The following GRIA2 variants were observed in gnomAD, a reference collection of about 807,000 sequenced individuals.
The protein encoded by GRIA2 is glutamate receptor 2.
A neutral mutation model predicts 97.3 loss-of-function variants in GRIA2; 14 were observed. That is an observed-to-expected ratio of 0.14 (90% confidence interval 0.10 to 0.23). GRIA2 has a LOEUF of 0.23. Among genes scored for constraint, GRIA2 ranks in the 10% least tolerant of loss-of-function variants. The pLI is 1.00. For missense variants in GRIA2, 558 were observed against 1,069.8 expected, an observed-to-expected ratio of 0.52 and a Z score of 6.67; for synonymous variants, 412 against 387.8, an observed-to-expected ratio of 1.06 and a Z score of -0.73.
intron 11 of GRIA2, 146 bp from the exon 12 acceptor site, chr4:157,341,118 T>A: frequency 1.6e-6 from 1 of 625,388 alleles, no homozygotes; most frequent in Non-Finnish European, 2.8e-6. Context: ...TGTTTAATGA[T>A]TTCCAGTTTC....
intron 12 of GRIA2, among the ~76,000 whole-genome samples, chr4:157,351,328 A>G (rs1282067177): frequency 2.0e-5 from 3 of 152,144 alleles, no homozygotes; most frequent in Non-Finnish European, 4.4e-5. Flanking sequence ...AAATAACACT[A>G]TTAAAAAATG....
chr4:157,224,050 A>T (rs1038156075), intron 2 of GRIA2, among the ~76,000 whole-genome samples: 3 of 152,198 alleles, frequency 2.0e-5, no homozygotes, highest in African/African-American at 7.2e-5. Context: ...GGGTGAACAC[A>T]TTCATGTAAT....
intron 2 of GRIA2, among the ~76,000 whole-genome samples, chr4:157,288,807 CTTA>C: frequency 6.6e-6 from 1 of 151,442 alleles, no homozygotes; most frequent in Non-Finnish European, 1.5e-5. Flanking sequence ...TGCATAAGGT[CTTA>C]TGTTTCTTTA....
At chr4:157,239,046 A>T (rs1035237848) in intron 2 of GRIA2, among the ~76,000 whole-genome samples, 2 of 152,122 alleles carry the variant, frequency 1.3e-5, no homozygotes, top group African/African-American at 4.8e-5. Flanking sequence ...TTTATTCAAG[A>T]TGACTATGAC....
chr4:157,357,620 T>C (rs1736449016), intron 12 of GRIA2, among the ~76,000 whole-genome samples: 1 of 152,150 alleles, frequency 6.6e-6, no homozygotes, highest in South Asian at 2.1e-4. Context: ...TATGTTATAA[T>C]ACATGTGAAG....
intron 13 of GRIA2, among the ~76,000 whole-genome samples, chr4:157,360,461 T>G (rs1736586106): frequency 6.6e-6 from 1 of 152,150 alleles, no homozygotes; most frequent in Admixed American, 6.5e-5. Flanking sequence ...TCCACATTTC[T>G]AACTACCTTG....
At chr4:157,357,636 T>A (rs1268149814) in intron 12 of GRIA2, among the ~76,000 whole-genome samples, 1 of 152,102 alleles carries the variant, frequency 6.6e-6, no homozygotes, top group Non-Finnish European at 1.5e-5. Context: ...TGAAGCCTCA[T>A]TATAAAAAAA....
chr4:157,340,934 A>T (rs1371211579), intron 11 of GRIA2, among the ~76,000 whole-genome samples: 1 of 152,038 alleles, frequency 6.6e-6, no homozygotes, highest in Non-Finnish European at 1.5e-5. Context: ...GTTTACTTAC[A>T]TCATGAGTGG....
chr4:157,305,531 T>C (rs1733804889), intron 3 of GRIA2, among the ~76,000 whole-genome samples: 1 of 152,180 alleles, frequency 6.6e-6, no homozygotes, highest in African/African-American at 2.4e-5. Flanking sequence ...GGTCTTATAA[T>C]ATCCAATTCC....
Position 157,361,788 on chromosome 4 carries a change from A to C in GRIA2, c.2406+664A>C. On this transcript the variant is annotated intron_variant, in intron 14 of 15. Coordinates refer to ENST00000264426, the MANE Select transcript of GRIA2 (RefSeq NM_001083619.3). This position sits in a 1 kb window ranked among gnomAD's most constrained non-coding sequence, Gnocchi z 5.2. ...ATATGCATGAGATGCATAATTTGGT[A>C]AGATGTTTTGGTAATGCCTGCAGAG... The C allele has an allele frequency of 1.6e-6, 1 of 629,562 alleles. No individual in the cohort carries two copies. Among genetic ancestry groups the C allele is most frequent in the Non-Finnish European group, 2.8e-6 (1 of 351,736 alleles). The allele number at this position is 629,562 out of a possible 1,614,324, so 39.0% of individuals were successfully genotyped here. A position where few individuals can be genotyped will look rare whatever the true frequency, so the allele number is the denominator to read the frequency against.
chr4:157,362,322 G>A (rs1736665362), intron 14 of GRIA2: 3 of 451,548 alleles, frequency 6.6e-6, no homozygotes, highest in Non-Finnish European at 1.3e-5. Flanking sequence ...TGGAAATGTG[G>A]TCAGTCCTCC....
intron 3 of GRIA2, among the ~76,000 whole-genome samples, chr4:157,309,610 C>T (rs890626463): frequency 6.6e-6 from 1 of 152,068 alleles, no homozygotes; most frequent in Non-Finnish European, 1.5e-5. Flanking sequence ...CCGCACCTGG[C>T]GCAAGTTAGG....
chr4:157,256,658 A>G (rs1731290453), intron 2 of GRIA2, among the ~76,000 whole-genome samples: 1 of 151,920 alleles, frequency 6.6e-6, no homozygotes, highest in African/African-American at 2.4e-5. Flanking sequence ...CTTATTGAGG[A>G]ACTGGCCACT....
At chr4:157,342,771 T>C (rs1735603635) in intron 12 of GRIA2, among the ~76,000 whole-genome samples, 1 of 152,028 alleles carries the variant, frequency 6.6e-6, no homozygotes, top group Admixed American at 6.6e-5. Flanking sequence ...TGCAGATGCC[T>C]GTTATAACAG....
Position 157,220,731 on chromosome 4 carries a change from T to G in GRIA2, c.-312T>G. ...AGAAGAGAGCGCGAGAGAGGGTGAG[T>G]GTGTGTGAGTGCATGGGAGGGTGCT... On this transcript the variant is annotated 5_prime_UTR_variant, in exon 1 of 16. Transcript: ENST00000264426. 4 of 398,066 alleles carry G rather than the reference T, an allele frequency of 1.0e-5. No homozygotes were observed. Among genetic ancestry groups the G allele is most frequent in the Non-Finnish European group, 9.2e-6 (2 of 217,530 alleles). The allele number at this position is 398,066 out of a possible 1,614,324, so 24.7% of individuals were successfully genotyped here.
intron 2 of GRIA2, among the ~76,000 whole-genome samples, chr4:157,244,235 G>T (rs1730631986): frequency 6.6e-6 from 1 of 151,990 alleles, no homozygotes; most frequent in African/African-American, 2.4e-5. Context: ...GGGAGCAAAA[G>T]GGTGGGCAAA....
At chr4:157,280,990 G>A (rs546351840) in intron 2 of GRIA2, among the ~76,000 whole-genome samples, 1 of 151,994 alleles carries the variant, frequency 6.6e-6, no homozygotes, top group Admixed American at 6.6e-5. Context: ...CAAAGTCCAT[G>A]ATCTCATCAT....
chr4:157,275,225 T>C (rs541425289), intron 2 of GRIA2, among the ~76,000 whole-genome samples: 4 of 152,308 alleles, frequency 2.6e-5, no homozygotes, highest in Non-Finnish European at 4.4e-5. Context: ...GTTTGTTTTT[T>C]TCTTGTAAAT....
chr4:157,320,570 T>C (rs888832527), intron 5 of GRIA2, among the ~76,000 whole-genome samples: 1 of 152,084 alleles, frequency 6.6e-6, no homozygotes, highest in African/African-American at 2.4e-5. Context: ...GTAATTACCT[T>C]CTCCTTCAGC....
Sources: gnomAD v4.1 joint callset for allele counts (sites outside exome capture counted in the v4.1 genomes callset) on GRCh38, gnomAD v4.1.1 for gene constraint, Gnocchi (gnomAD v3.1) non-coding constraint, MANE v1.5 for transcripts, NCBI Gene and HGNC (gene_info 2026-07-23, HGNC 2026-07-21) for gene names.